SFMBT2: variants seen among roughly 807,000 people sequenced by gnomAD.
SFMBT2 encodes scm-like with four MBT domains protein 2.
Under a neutral mutation model 110.1 loss-of-function variants are expected in SFMBT2, and 38 were observed. The observed-to-expected ratio is 0.35, with a 90% CI of 0.27 to 0.45. The LOEUF (loss-of-function observed/expected upper bound fraction) is 0.45. Among genes scored for constraint, SFMBT2 ranks in the 20% least tolerant of loss-of-function variants. SFMBT2 has a pLI of 1.00. For missense variants in SFMBT2, 1,011 were observed against 1,094.9 expected, an observed-to-expected ratio of 0.92 and a Z score of 1.08; for synonymous variants, 425 against 425.4, an observed-to-expected ratio of 1.00 and a Z score of 0.01.
chr10:7,248,502 G>A, intron 8 of SFMBT2, 46 bp downstream of exon 8: 1 of 1,492,688 alleles, frequency 6.7e-7, no homozygotes, highest in Non-Finnish European at 9.3e-7. Flanking sequence ...GGCTTAATTT[G>A]ATCCACTCTA....
At chr10:7,282,870 A>G (rs1841985931) in intron 6 of SFMBT2, among the ~76,000 whole-genome samples, 1 of 91,260 alleles carries the variant, frequency 1.1e-5, no homozygotes, top group Non-Finnish European at 2.4e-5. Flanking sequence ...ACTCACCGGA[A>G]TGAAGATTCA....
At chr10:7,279,931 G>A (rs906514294) in intron 6 of SFMBT2, among the ~76,000 whole-genome samples, 19 of 152,282 alleles carry the variant, frequency 1.2e-4, no homozygotes, top group South Asian at 4.1e-4. Context: ...GATAGTAAAC[G>A]TCAGAGAAAG....
intron 6 of SFMBT2, among the ~76,000 whole-genome samples, chr10:7,282,620 A>C (rs534203208): frequency 3.3e-5 from 5 of 152,358 alleles, no homozygotes; most frequent in African/African-American, 1.2e-4. Flanking sequence ...GACAGCAATA[A>C]TACTAATAAA....
At chr10:7,406,655 TA>T (rs755919441) in intron 1 of SFMBT2, among the ~76,000 whole-genome samples, 1 of 151,770 alleles carries the variant, frequency 6.6e-6, no homozygotes, top group South Asian at 2.1e-4. Context: ...CAACCAATGT[TA>T]AAAAAAATAG....
intron 4 of SFMBT2, among the ~76,000 whole-genome samples, chr10:7,332,855 T>C (rs1457414555): frequency 6.6e-6 from 1 of 152,126 alleles, no homozygotes; most frequent in Non-Finnish European, 1.5e-5. Context: ...GTGAGTCTAA[T>C]GGAGATGAGG....
intron 11 of SFMBT2, chr10:7,207,719 C>T: frequency 1.9e-6 from 1 of 524,318 alleles, no homozygotes; most frequent in Non-Finnish European, 2.4e-6. Flanking sequence ...CTGGTGCGAG[C>T]TCCACCGGCT....
Position 7,301,264 on chromosome 10 carries a change from A to C in SFMBT2, c.437-15310T>G, listed in dbSNP as rs1842548281. 6.6e-6 allele frequency among the ~76,000 whole-genome samples: 1 copy of C among 152,214 alleles called. No individual in the cohort carries two copies. Among genetic ancestry groups the C allele is most frequent in the Non-Finnish European group, 1.5e-5 (1 of 68,024 alleles). ...TATTAGCGTCTTTATGTCATGTGCA[A>C]ATCAGCGTGAGACACTAGTAACTAG... On this transcript the variant is annotated intron_variant, in intron 4 of 20. Transcript: ENST00000397167. This position sits in a 1 kb window ranked among gnomAD's most constrained non-coding sequence, Gnocchi z 4.2.
Position 7,163,688 on chromosome 10 carries a change from C to G in SFMBT2, c.*82G>C. ...TTAGTGGCTGTACCATTTAACATATCCCGGAAAATCAAAGTTTCAGTCCTG... is the reference window on the plus strand; with the variant it reads ...TTAGTGGCTGTACCATTTAACATATGCCGGAAAATCAAAGTTTCAGTCCTG... On this transcript the variant is annotated 3_prime_UTR_variant, in exon 21 of 21. Transcript: ENST00000397167. This position sits in a 1 kb window ranked among gnomAD's most constrained non-coding sequence, Gnocchi z 4.8. 1 of 1,284,170 alleles carries G rather than the reference C, an allele frequency of 7.8e-7. No individual in the cohort carries two copies. The highest frequency in any genetic ancestry group is 1.1e-6 in the Non-Finnish European group (1 of 904,574). 79.5% of individuals were successfully genotyped at this position (1,284,170 alleles called of 1,614,324 possible).
At chr10:7,235,615 T>C (rs952702522) in intron 9 of SFMBT2, among the ~76,000 whole-genome samples, 1 of 151,094 alleles carries the variant, frequency 6.6e-6, no homozygotes, top group Non-Finnish European at 1.5e-5. Flanking sequence ...ACATATTAGA[T>C]ACACACACAC....
rs1842703194 is a variant in SFMBT2, at chr10:7,306,533, A to C, written c.437-20579T>G. 2.0e-5 allele frequency among the ~76,000 whole-genome samples: 3 copies of C among 152,212 alleles called. No individual in the cohort carries two copies. The South Asian group carries it at 6.2e-4, about 32-fold the overall frequency. ...CAAAATATTTACTCTGTGGCCTTTT[A>C]CAGAAAAAGTTCGCTAACCCCCGCT... On this transcript the variant is annotated intron_variant, in intron 4 of 20. Coordinates refer to ENST00000397167, the MANE Select transcript of SFMBT2 (RefSeq NM_001387889.1).
intron 4 of SFMBT2, among the ~76,000 whole-genome samples, chr10:7,300,917 CT>C (rs1412945012): frequency 6.6e-6 from 1 of 152,192 alleles, no homozygotes; most frequent in Non-Finnish European, 1.5e-5. Context: ...TGATAAATTG[CT>C]TCTACTGAAA....
chr10:7,312,075 C>T (rs559639978), intron 4 of SFMBT2, among the ~76,000 whole-genome samples: 1 of 151,484 alleles, frequency 6.6e-6, no homozygotes, highest in East Asian at 1.9e-4. Context: ...AGGGGCCTGT[C>T]GTGGAGTGGG....
chr10:7,253,012 C>G (rs898038566), intron 7 of SFMBT2, among the ~76,000 whole-genome samples: 1 of 152,162 alleles, frequency 6.6e-6, no homozygotes, highest in African/African-American at 2.4e-5. Context: ...TTTAATCAAT[C>G]GTGCCTACAT....
chr10:7,374,547 C>A (rs770209229), intron 2 of SFMBT2, among the ~76,000 whole-genome samples: 1 of 152,198 alleles, frequency 6.6e-6, no homozygotes, highest in East Asian at 1.9e-4. Context: ...ATTACAACTA[C>A]ATTTCCCAAT....
At chr10:7,243,418 C>G (rs1588376964) in intron 9 of SFMBT2, 140 bp downstream of exon 9, 3 of 652,724 alleles carry the variant, frequency 4.6e-6, no homozygotes, top group Non-Finnish European at 2.7e-6. Flanking sequence ...CTATGTCAAG[C>G]TGATGAAGAA....
In SFMBT2 at chr10:7,159,683, G is replaced by A. The variant is rs1015524699; in HGVS notation, c.*4087C>T. ...TTTCTAAAGACAGAAGAGAGAGGAA[G>A]TGAAGCCTTGATTCGCCATCTCAAT... On this transcript the variant is annotated 3_prime_UTR_variant, in exon 21 of 21. Transcript: ENST00000397167. The A allele has an allele frequency of 1.3e-5, 2 of 152,200 alleles. No homozygotes were observed. The highest frequency in any genetic ancestry group is 4.8e-5 in the African/African-American group (2 of 41,454). 9.4% of individuals were successfully genotyped at this position (152,200 alleles called of 1,614,324 possible).
chr10:7,213,797 C>G (rs1031685534), intron 11 of SFMBT2, among the ~76,000 whole-genome samples: 1 of 150,812 alleles, frequency 6.6e-6, no homozygotes, highest in African/African-American at 2.5e-5. Context: ...GGCCATGGTG[C>G]GGGCACTCAG....
In SFMBT2 at chr10:7,170,447, T is replaced by C. The variant is rs1837839483; in HGVS notation, c.2544+481A>G. On this transcript the variant is annotated intron_variant, in intron 20 of 20. Transcript: ENST00000397167. The surrounding 1 kb of genome is among the most constrained non-coding windows in gnomAD (Gnocchi z 4.6). ...CCCACTGAGAGCAGCCAAGGCAGAG[T>C]GTGCTATCCTGACTTCCGGCCTGGC... is the stretch of plus-strand genomic sequence containing the variant. Among the ~76,000 whole-genome samples the C allele has an allele frequency of 6.6e-6, 1 of 151,172 alleles. No homozygotes were observed. Among genetic ancestry groups the C allele is most frequent in the Non-Finnish European group, 1.5e-5 (1 of 67,720 alleles).
intron 10 of SFMBT2, among the ~76,000 whole-genome samples, chr10:7,222,791 T>C (rs1458246548): frequency 6.6e-6 from 1 of 152,068 alleles, no homozygotes; most frequent in Non-Finnish European, 1.5e-5. Flanking sequence ...TGCCTCAGCA[T>C]CCTGAGTAGC....
Sources: allele counts gnomAD v4.1 joint callset (sites outside exome capture counted in the v4.1 genomes callset), GRCh38; gene constraint gnomAD v4.1.1; non-coding constraint Gnocchi (gnomAD v3.1); transcripts MANE v1.5; gene names NCBI Gene and HGNC (gene_info 2026-07-23, HGNC 2026-07-21).